Variants in CPNE2 observed in about 807,000 individuals in gnomAD.
CPNE2 encodes the protein copine 2.
A neutral mutation model predicts 69.7 loss-of-function variants in CPNE2; 42 were observed. The ratio of observed to expected loss-of-function variants is 0.60; its 90% confidence interval spans 0.47 to 0.78. The LOEUF is 0.78. CPNE2 is among the 30% of genes least tolerant of loss of function. CPNE2 has a pLI of 0.00. For synonymous variants in CPNE2, 294 were observed against 289.8 expected, an observed-to-expected ratio of 1.01 and a Z score of -0.15; for missense variants, 587 against 732.0, an observed-to-expected ratio of 0.80 and a Z score of 2.29.
At chr16:57,116,035 C>G (rs1387355981) in intron 4 of CPNE2, among the ~76,000 whole-genome samples, 1 of 152,202 alleles carries the variant, frequency 6.6e-6, no homozygotes, top group Non-Finnish European at 1.5e-5. Flanking sequence ...GAGATCGTCC[C>G]CTGGTTGTCT....
intron 15 of CPNE2, 126 bp from the exon 16 acceptor site, chr16:57,147,425 G>A (rs188689978): frequency 5.0e-4 from 297 of 591,908 alleles, no homozygotes; most frequent in African/African-American, 4.5e-3. Flanking sequence ...GCCCTGGCCC[G>A]CAGCCCTAAT....
chr16:57,103,007 T>C (rs1156841023), intron 1 of CPNE2, among the ~76,000 whole-genome samples: 5 of 152,230 alleles, frequency 3.3e-5, no homozygotes, highest in African/African-American at 9.6e-5. Flanking sequence ...TAAGAATTGC[T>C]GGGGATTCAG....
chr16:57,124,588 C>T (rs558496743), intron 10 of CPNE2: 23 of 335,364 alleles, frequency 6.9e-5, no homozygotes, highest in South Asian at 5.1e-4. Flanking sequence ...GAATGAACTG[C>T]CACCTTGCCT....
chr16:57,094,931 C>G (rs762506676), intron 1 of CPNE2, among the ~76,000 whole-genome samples: 3 of 152,160 alleles, frequency 2.0e-5, no homozygotes, highest in Non-Finnish European at 4.4e-5. Flanking sequence ...GTAATTTTCT[C>G]CCTCCTGTCA....
intron 1 of CPNE2, among the ~76,000 whole-genome samples, chr16:57,097,131 G>T (rs1467528776): frequency 6.6e-6 from 1 of 152,132 alleles, no homozygotes; most frequent in Non-Finnish European, 1.5e-5. Context: ...GGGGCTCCTG[G>T]TCTATTAACA....
chr16:57,107,376 C>T (rs1296344972), intron 1 of CPNE2, among the ~76,000 whole-genome samples: 1 of 152,216 alleles, frequency 6.6e-6, no homozygotes, highest in African/African-American at 2.4e-5. Context: ...CCAGATTTTT[C>T]CCCTGCCAGG....
chr16:57,109,540 A>G (rs1254816960), intron 1 of CPNE2, among the ~76,000 whole-genome samples: 1 of 152,048 alleles, frequency 6.6e-6, no homozygotes, highest in African/African-American at 2.4e-5. Flanking sequence ...GAGTAGCCCC[A>G]AGGGCTGCTG....
At chr16:57,105,692 T>G (rs73548850) in intron 1 of CPNE2, among the ~76,000 whole-genome samples, 5,613 of 152,220 alleles carry the variant, frequency 0.037, 251 homozygotes, top group African/African-American at 0.11. Flanking sequence ...CCAAGTCCTG[T>G]CCTCTCTTTG....
chr16:57,096,674 C>G (rs1005844210), intron 1 of CPNE2, among the ~76,000 whole-genome samples: 3 of 138,294 alleles, frequency 2.2e-5, no homozygotes, highest in Admixed American at 7.6e-5. Context: ...ACTCCAACCT[C>G]GGTGAAACAG....
rs866099748 is a variant in CPNE2 at position 57,146,181 on chromosome 16, A to G, written c.1399A>G (p.Ile467Val). Residue 467 changes from isoleucine (I) to valine (V), a missense_variant, in exon 15 of 16, where the codon ATC becomes GTC. Transcript: ENST00000290776. This position sits in a 1 kb window ranked among gnomAD's most constrained non-coding sequence, Gnocchi z 4.4. ...GCAGGCTTCCAAGCTGCCCATGTCC[A>G]TCATCATCGTGGGCGTGGGCAATGC... ...VVQASKLPMSIIIVGVGNADF... is the reference protein window; with the variant it reads ...VVQASKLPMSVIIVGVGNADF... 7.6e-6 allele frequency: 12 copies of G among 1,579,076 alleles called. No individual in the cohort carries two copies. The South Asian group carries it at 1.0e-4, about 14-fold the overall frequency.
intron 11 of CPNE2, among the ~76,000 whole-genome samples, chr16:57,126,512 C>T (rs1216511364): frequency 3.3e-5 from 5 of 151,772 alleles, no homozygotes; most frequent in South Asian, 4.1e-4. Context: ...GGGCTGGGTA[C>T]CACGGAAAGT....
At chr16:57,097,604 C>T (rs2069585763) in intron 1 of CPNE2, among the ~76,000 whole-genome samples, 1 of 152,194 alleles carries the variant, frequency 6.6e-6, no homozygotes, top group Admixed American at 6.5e-5. Flanking sequence ...GAGGTTAGGA[C>T]ACATGGCCCA....
chr16:57,125,224 C>A, intron 10 of CPNE2: 2 of 452,400 alleles, frequency 4.4e-6, no homozygotes, highest in Non-Finnish European at 8.9e-6. Context: ...CCCTGCCTGC[C>A]CATCAGCCCC....
chr16:57,135,362 T>C (rs2069871288), intron 13 of CPNE2, among the ~76,000 whole-genome samples: 1 of 152,128 alleles, frequency 6.6e-6, no homozygotes, highest in Non-Finnish European at 1.5e-5. Context: ...CTGAGCCTCC[T>C]AGGGACAGTT....
chr16:57,115,455 C>A, intron 3 of CPNE2, 21 bp from the exon 4 acceptor site: 4 of 1,594,810 alleles, frequency 2.5e-6, no homozygotes, highest in Non-Finnish European at 3.4e-6. Flanking sequence ...CACTGAGCGC[C>A]CTTTCTCCTC....
chr16:57,119,358 C>A, intron 6 of CPNE2, 80 bp downstream of exon 6: 1 of 1,423,418 alleles, frequency 7.0e-7, no homozygotes, highest in Non-Finnish European at 9.9e-7. Context: ...AAGGGAGGTG[C>A]GGTCACAGCC....
chr16:57,146,408 C>A lies in CPNE2; in HGVS notation c.1539+87C>A. On this transcript the variant is annotated intron_variant, in intron 15 of 15. Coordinates refer to ENST00000290776, the MANE Select transcript of CPNE2 (RefSeq NM_152727.6). The surrounding 1 kb of genome is among the most constrained non-coding windows in gnomAD (Gnocchi z 4.4). ...TCAAGCTTGAGAGTCTTGGGGTTGT[C>A]TGGCCCAATCCTAGACTTCTCCACT... The A allele has an allele frequency of 2.6e-6, 3 of 1,172,916 alleles. No homozygotes were observed. Among genetic ancestry groups the A allele is most frequent in the Non-Finnish European group, 3.6e-6 (3 of 829,986 alleles). 72.7% of individuals were successfully genotyped at this position (1,172,916 alleles called of 1,614,324 possible). A position where few individuals can be genotyped will look rare whatever the true frequency, so the allele number is the denominator to read the frequency against.
intron 9 of CPNE2, 106 bp downstream of exon 9, chr16:57,121,866 C>T (rs767766713): frequency 1.9e-5 from 20 of 1,055,254 alleles, no homozygotes; most frequent in South Asian, 5.6e-5. Context: ...GTTCAAATCC[C>T]GGCTCTGCCA....
intron 12 of CPNE2, among the ~76,000 whole-genome samples, chr16:57,134,480 C>A (rs1366591760): frequency 6.6e-6 from 1 of 152,212 alleles, no homozygotes; most frequent in African/African-American, 2.4e-5. Context: ...CCACCCGGGA[C>A]TCTTAGAGGA....
Sources: allele counts gnomAD v4.1 joint callset (sites outside exome capture counted in the v4.1 genomes callset), GRCh38; gene constraint gnomAD v4.1.1; non-coding constraint Gnocchi (gnomAD v3.1); transcripts MANE v1.5; gene names NCBI Gene and HGNC (gene_info 2026-07-23, HGNC 2026-07-21).